Variants in SPATA13 observed in about 807,000 individuals in gnomAD.
SPATA13 encodes the protein spermatogenesis associated 13, also known as spermatogenesis-associated protein 13.
A neutral mutation model predicts 104.0 loss-of-function variants in SPATA13; 50 were observed. The observed-to-expected ratio is 0.48, with a 90% confidence interval of 0.38 to 0.61. The LOEUF (loss-of-function observed/expected upper bound fraction) is 0.61, where lower values mean the gene tolerates loss of function less well. SPATA13 is among the 20% of genes least tolerant of loss of function. The pLI, the probability that SPATA13 is intolerant of heterozygous loss-of-function variation, is 0.00. For missense variants in SPATA13, 1,524 were observed against 1,690.6 expected (o/e 0.90, Z 1.73); for synonymous variants, 606 against 667.5 (o/e 0.91, Z 1.42).
Position 24,207,800 on chromosome 13 carries a change from G to A in SPATA13, c.-111-15019G>A, listed in dbSNP as rs552698586. Among the ~76,000 whole-genome samples, 14 of 152,320 alleles carry A rather than the reference G, an allele frequency of 9.2e-5. No individual in the cohort carries two copies. The East Asian group carries it at 2.7e-3, about 29-fold the overall frequency. ...AGACTGGCTATCCTGAGCCATCAGG[G>A]AGGCAGTCGCAGTGGATTAGGAACA... is the stretch of plus-strand genomic sequence containing the variant. On this transcript the variant is annotated intron_variant, in intron 1 of 12. Transcript: ENST00000382108.
At chr13:24,225,944 C>T (rs749642013) in intron 2 of SPATA13, among the ~76,000 whole-genome samples, 3 of 152,156 alleles carry the variant, frequency 2.0e-5, no homozygotes, top group Non-Finnish European at 2.9e-5. Flanking sequence ...CGTGGACAAA[C>T]GGAGGGTGAG....
intron 1 of SPATA13, among the ~76,000 whole-genome samples, chr13:24,178,170 T>A (rs1403142990): frequency 6.6e-6 from 1 of 152,182 alleles, no homozygotes; most frequent in African/African-American, 2.4e-5. Context: ...TTTTTTAAAC[T>A]GGGAATATCT....
intron 1 of SPATA13, among the ~76,000 whole-genome samples, chr13:24,176,970 G>A (rs1189180686): frequency 6.6e-6 from 1 of 152,062 alleles, no homozygotes; most frequent in African/African-American, 2.4e-5. Flanking sequence ...CGTCATGTTG[G>A]CCAGGCTAAG....
chr13:24,026,729 C>G (rs1877232563), intron 3 of SPATA13, among the ~76,000 whole-genome samples: 1 of 152,092 alleles, frequency 6.6e-6, no homozygotes, highest in African/African-American at 2.4e-5. Flanking sequence ...AGGTGCCCGC[C>G]ACCACGTCCA....
intron 2 of SPATA13, among the ~76,000 whole-genome samples, chr13:24,233,820 G>A (rs1872415552): frequency 1.3e-5 from 2 of 151,904 alleles, no homozygotes; most frequent in Non-Finnish European, 2.9e-5. Flanking sequence ...TGGGATGCAA[G>A]CCAAAGCTGC....
chr13:24,298,918 AG>A (rs960632398), intron 11 of SPATA13, among the ~76,000 whole-genome samples: 6 of 152,142 alleles, frequency 3.9e-5, no homozygotes, highest in Non-Finnish European at 7.4e-5. Flanking sequence ...GGCCACTCCA[AG>A]ATACAGAGCT....
At chr13:24,266,280 A>T (rs1393816258) in intron 4 of SPATA13, among the ~76,000 whole-genome samples, 1 of 152,202 alleles carries the variant, frequency 6.6e-6, no homozygotes, top group African/African-American at 2.4e-5. Context: ...ATCTATTTTT[A>T]AAAATTAATT....
rs1319455390 is a variant in SPATA13 at position 24,223,082 on chromosome 13, C to G, written c.153C>G (p.Val51=). ...MVTSLACGNG[V]CGCSPGGDTD... is the part of the protein sequence containing the mutation. The stretch of plus-strand genomic sequence containing the variant: ...CCTCCCTTGCGTGTGGAAATGGAGT[C>G]TGTGGCTGCAGCCCTGGTGGCGACA... The change falls in exon 2 of 13, where the codon GTC becomes GTG. Residue 51 remains valine (V), a synonymous_variant. Coordinates refer to ENST00000382108, the MANE Select transcript of SPATA13 (RefSeq NM_001166271.3). The G allele has an allele frequency of 6.4e-7, 1 of 1,551,622 alleles. No homozygotes were observed. The highest frequency in any genetic ancestry group is 1.4e-5 in the African/African-American group (1 of 73,056).
At chr13:24,159,475 C>T (rs1024664700), upstream of SPATA13, among the ~76,000 whole-genome samples, 11 of 152,326 alleles carry the variant, frequency 7.2e-5, no homozygotes, top group Admixed American at 6.5e-4. Context: ...GGAAAGTACA[C>T]GGAGTTCTGA....
chr13:24,069,724 A>G (rs1879093061), intron 3 of SPATA13, among the ~76,000 whole-genome samples: 1 of 152,196 alleles, frequency 6.6e-6, no homozygotes, highest in African/African-American at 2.4e-5. Flanking sequence ...CACGTACAGC[A>G]TTTATCCTGC....
chr13:24,075,155 A>G (rs778828178), intron 3 of SPATA13, among the ~76,000 whole-genome samples: 1 of 152,214 alleles, frequency 6.6e-6, no homozygotes, highest in Non-Finnish European at 1.5e-5. Flanking sequence ...TTGACCACCC[A>G]GTTACTCTTC....
chr13:24,096,999 A>G (rs892241969), intron 3 of SPATA13, among the ~76,000 whole-genome samples: 1 of 152,248 alleles, frequency 6.6e-6, no homozygotes, highest in Non-Finnish European at 1.5e-5. Context: ...AAAAGGGGAC[A>G]AAAGAGGAGA....
At chr13:24,034,075 C>T (rs1016451169) in intron 3 of SPATA13, 3 of 152,260 alleles carry the variant, frequency 2.0e-5, no homozygotes, top group Admixed American at 6.5e-5. Flanking sequence ...AGGGTGGCTT[C>T]CTCCACCCAC....
At chr13:24,270,902 C>A (rs764932970) in intron 4 of SPATA13, 2 of 1,611,222 alleles carry the variant, frequency 1.2e-6, no homozygotes, top group South Asian at 1.1e-5. Flanking sequence ...GTCTGGAAAG[C>A]CTTCACTTGG....
chr13:24,218,137 T>G (rs1367106599), intron 1 of SPATA13, among the ~76,000 whole-genome samples: 1 of 152,166 alleles, frequency 6.6e-6, no homozygotes, highest in Non-Finnish European at 1.5e-5. Context: ...CCAGTGACCC[T>G]GGTTCAGTGA....
rs1349740438 is a variant in SPATA13, at chr13:24,011,891, T to G, written c.-146-5776T>G. On this transcript the variant is annotated intron_variant, in intron 2 of 14. Coordinates refer to the SPATA13 transcript ENST00000424834. This position sits in a 1 kb window ranked among gnomAD's most constrained non-coding sequence, Gnocchi z 4.3. The stretch of plus-strand genomic sequence containing the variant: ...GAGGGATGATCCCACAGACCCAGAA[T>G]GCTCAGCCTTCTTCTTTAAACTTGC... 2.1e-5 allele frequency among the ~76,000 whole-genome samples: 3 copies of G among 141,284 alleles called. No homozygotes were observed. Among genetic ancestry groups the G allele is most frequent in the Non-Finnish European group, 4.9e-5 (3 of 60,778 alleles). The allele number at this position is 141,284 out of a possible 152,430, so 92.7% of individuals were successfully genotyped here. A position where few individuals can be genotyped will look rare whatever the true frequency, so the allele number is the denominator to read the frequency against.
chr13:24,021,033 T>C (rs1036486681), intron 3 of SPATA13, among the ~76,000 whole-genome samples: 3 of 152,200 alleles, frequency 2.0e-5, no homozygotes, highest in Middle Eastern at 3.2e-3. Context: ...AGATTGAGAC[T>C]CCATCTCAAT....
chr13:23,991,626 T>C (rs1181959285), intron 2 of SPATA13, among the ~76,000 whole-genome samples: 1 of 152,190 alleles, frequency 6.6e-6, no homozygotes, highest in Non-Finnish European at 1.5e-5. Context: ...ATAAGACTCA[T>C]GTTCATAGCA....
intron 3 of SPATA13, among the ~76,000 whole-genome samples, chr13:24,050,632 C>T (rs994130492): frequency 1.3e-5 from 2 of 152,106 alleles, no homozygotes; most frequent in African/African-American, 2.4e-5. Flanking sequence ...CCACAAGAGG[C>T]GAAGGCATTT....
Sources: gnomAD v4.1 joint callset for allele counts (sites outside exome capture counted in the v4.1 genomes callset) on GRCh38, gnomAD v4.1.1 for gene constraint, Gnocchi (gnomAD v3.1) non-coding constraint, MANE v1.5 for transcripts, NCBI Gene and HGNC (gene_info 2026-07-23, HGNC 2026-07-21) for gene names.